Variants in ST6GAL1 observed in about 807,000 individuals in gnomAD.
The protein encoded by ST6GAL1 is beta-galactoside alpha-2,6-sialyltransferase 1.
A neutral mutation model predicts 38.0 loss-of-function variants in ST6GAL1; 20 were observed. That is an observed-to-expected ratio of 0.53 (90% CI 0.37 to 0.77). ST6GAL1 has a LOEUF of 0.77. Ranked by LOEUF, ST6GAL1 falls within the 30% of genes least tolerant of loss-of-function variation. ST6GAL1 has a pLI of 0.00. For missense variants in ST6GAL1, 432 were observed against 496.4 expected (o/e 0.87, Z 1.23); for synonymous variants, 196 against 188.2 (o/e 1.04, Z -0.34).
intron 2 of ST6GAL1, among the ~76,000 whole-genome samples, chr3:186,978,572 C>T (rs1482217439): frequency 1.3e-5 from 2 of 152,238 alleles, no homozygotes; most frequent in African/African-American, 4.8e-5. Context: ...GTCTCTGGCA[C>T]CCTTTCCTTT....
intron 2 of ST6GAL1, among the ~76,000 whole-genome samples, chr3:186,976,727 G>T (rs530852682): frequency 4.6e-5 from 7 of 152,196 alleles, no homozygotes; most frequent in Non-Finnish European, 1.0e-4. Flanking sequence ...ACTGTGCCCG[G>T]CCTTAATTCT....
intron 1 of ST6GAL1, chr3:186,942,308 C>G (rs149178775): frequency 2.0e-5 from 3 of 152,386 alleles, no homozygotes; most frequent in African/African-American, 7.2e-5. Flanking sequence ...TCCTTGGCTT[C>G]AGCTCCCTTT....
At chr3:187,050,292 C>T (rs971083524) in intron 4 of ST6GAL1, among the ~76,000 whole-genome samples, 12 of 151,992 alleles carry the variant, frequency 7.9e-5, no homozygotes, top group East Asian at 3.9e-4. Context: ...CTTGCTTGAC[C>T]GAGTAAGATT....
chr3:186,980,155 T>C (rs1257196262), intron 2 of ST6GAL1, among the ~76,000 whole-genome samples: 1 of 152,204 alleles, frequency 6.6e-6, no homozygotes, highest in South Asian at 2.1e-4. Flanking sequence ...GTCTACAATT[T>C]GCCTGATCCT....
intron 1 of ST6GAL1, among the ~76,000 whole-genome samples, chr3:186,935,633 T>C (rs1344463964): frequency 6.6e-6 from 1 of 152,238 alleles, no homozygotes; most frequent in Non-Finnish European, 1.5e-5. Flanking sequence ...TGTATCAGCA[T>C]TGCCTTTTCT....
Position 187,075,690 on chromosome 3 carries a change from C to T in ST6GAL1, c.1108C>T (p.His370Tyr). ...TAGTGCCTGCACGATGGGTGCCTAC[C>T]ACCCGCTGCTCTATGAGAAGAATTT... ...FDSACTMGAY[H>Y]PLLYEKNLVK... Residue 370 changes from histidine (H) to tyrosine (Y), a missense_variant, in exon 8 of 8, where the codon CAC (histidine) becomes TAC (tyrosine). By Grantham distance (83) the His-to-Tyr change is moderately conservative (BLOSUM62 2). Coordinates refer to ENST00000169298, the MANE Select transcript of ST6GAL1 (RefSeq NM_173216.2). This position sits in a 1 kb window ranked among gnomAD's most constrained non-coding sequence, Gnocchi z 4.1. The T allele has an allele frequency of 6.2e-7, 1 of 1,614,226 alleles. No individual in the cohort carries two copies. The highest frequency in any genetic ancestry group is 1.1e-5 in the South Asian group (1 of 91,086).
intron 2 of ST6GAL1, among the ~76,000 whole-genome samples, chr3:187,011,397 T>C (rs1314203807): frequency 6.6e-6 from 1 of 152,246 alleles, no homozygotes; most frequent in Non-Finnish European, 1.5e-5. Flanking sequence ...AACTTACTAG[T>C]TACTGATTTT....
At chr3:186,985,812 G>A (rs1715899889) in intron 2 of ST6GAL1, among the ~76,000 whole-genome samples, 3 of 151,886 alleles carry the variant, frequency 2.0e-5, no homozygotes, top group South Asian at 2.1e-4. Context: ...AAAAAAAGAC[G>A]AGGTCTGGAG....
intron 2 of ST6GAL1, among the ~76,000 whole-genome samples, chr3:187,008,066 A>G (rs1407313592): frequency 6.6e-6 from 1 of 152,200 alleles, no homozygotes; most frequent in Non-Finnish European, 1.5e-5. Flanking sequence ...TGGTATTGGC[A>G]TTCCATCTCA....
At position 187,077,251 on chromosome 3, in the gene ST6GAL1, C is replaced by T; in HGVS notation, c.*1448C>T. On this transcript the variant is annotated 3_prime_UTR_variant, in exon 8 of 8. Transcript: ENST00000169298. Reference sequence around the variant, plus strand: ...TGGCCCACTGTAGTTTGCAGACATGCTCTCCAGATGGTTTTACTAAGTCCC... The same window carrying T: ...TGGCCCACTGTAGTTTGCAGACATGTTCTCCAGATGGTTTTACTAAGTCCC... 1 of 332,272 alleles carries T rather than the reference C, an allele frequency of 3.0e-6. No individual in the cohort carries two copies. Among genetic ancestry groups the T allele is most frequent in the Middle Eastern group, 7.9e-4 (1 of 1,262 alleles). The allele number at this position is 332,272 out of a possible 1,614,324, so 20.6% of individuals were successfully genotyped here. A position where few individuals can be genotyped will look rare whatever the true frequency, so the allele number is the denominator to read the frequency against.
chr3:187,004,555 G>T (rs1309971648), intron 2 of ST6GAL1, among the ~76,000 whole-genome samples: 1 of 152,202 alleles, frequency 6.6e-6, no homozygotes, highest in Non-Finnish European at 1.5e-5. Flanking sequence ...ACAGCAGAGT[G>T]GACCAAGGTA....
At chr3:186,953,456 T>C (rs1714646436) in intron 1 of ST6GAL1, among the ~76,000 whole-genome samples, 1 of 152,198 alleles carries the variant, frequency 6.6e-6, no homozygotes, top group African/African-American at 2.4e-5. Context: ...TATTTAGATG[T>C]CACCTTGTCA....
intron 2 of ST6GAL1, among the ~76,000 whole-genome samples, chr3:187,023,880 A>G (rs1483599336): frequency 6.7e-6 from 1 of 149,880 alleles, no homozygotes; most frequent in Non-Finnish European, 1.5e-5. Context: ...AACTTAAAGT[A>G]TAATAATAAT....
At chr3:186,942,736 C>T (rs965064000) in intron 1 of ST6GAL1, among the ~76,000 whole-genome samples, 2 of 152,184 alleles carry the variant, frequency 1.3e-5, no homozygotes, top group African/African-American at 2.4e-5. Context: ...GTTGTGTGTT[C>T]TCTCATCCAA....
chr3:186,974,194 A>G (rs1192622255), intron 2 of ST6GAL1, among the ~76,000 whole-genome samples: 1 of 152,156 alleles, frequency 6.6e-6, no homozygotes, highest in Non-Finnish European at 1.5e-5. Flanking sequence ...TATCCTGACT[A>G]TAGGCTGACC....
chr3:186,955,889 T>C (rs1197389772), intron 1 of ST6GAL1, among the ~76,000 whole-genome samples: 1 of 152,168 alleles, frequency 6.6e-6, no homozygotes, highest in Non-Finnish European at 1.5e-5. Flanking sequence ...TCCAAGGTAT[T>C]TTATTCTCTT....
At chr3:187,059,475 A>C (rs1318441130) in intron 5 of ST6GAL1, among the ~76,000 whole-genome samples, 1 of 152,176 alleles carries the variant, frequency 6.6e-6, no homozygotes, top group African/African-American at 2.4e-5. Context: ...TCCAGGAGAG[A>C]TGTTCATTTA....
chr3:187,067,340 G>C (rs1719199716), intron 5 of ST6GAL1, among the ~76,000 whole-genome samples: 2 of 149,582 alleles, frequency 1.3e-5, no homozygotes, highest in African/African-American at 4.9e-5. Context: ...GCCCACCTCA[G>C]CTTCCCAAAG....
intron 5 of ST6GAL1, among the ~76,000 whole-genome samples, chr3:187,062,783 A>T (rs976291277): frequency 6.6e-6 from 1 of 152,194 alleles, no homozygotes; most frequent in Non-Finnish European, 1.5e-5. Context: ...GTACACTTAA[A>T]AATGGTTAAG....
Sources: gnomAD v4.1 joint callset for allele counts (sites outside exome capture counted in the v4.1 genomes callset) on GRCh38, gnomAD v4.1.1 for gene constraint, Gnocchi (gnomAD v3.1) non-coding constraint, MANE v1.5 for transcripts, NCBI Gene and HGNC (gene_info 2026-07-23, HGNC 2026-07-21) for gene names.